The following METTL15 variants were observed in gnomAD, a reference collection of about 807,000 sequenced individuals.
The protein encoded by METTL15 is 12S rRNA N(4)-cytidine methyltransferase METTL15.
A neutral mutation model predicts 38.3 loss-of-function variants in METTL15; 34 were observed. The ratio of observed to expected loss-of-function variants is 0.89; its 90% CI spans 0.68 to 1.18. The LOEUF is 1.18. Ranked by LOEUF, METTL15 falls within the 50% of genes most tolerant of loss-of-function variation. METTL15 has a pLI of 0.00. For missense variants in METTL15, 438 were observed against 498.4 expected (o/e 0.88, Z 1.15); for synonymous variants, 162 against 170.9 (o/e 0.95, Z 0.41).
chr11:28,186,262 G>C (rs1400153464), intron 3 of METTL15, among the ~76,000 whole-genome samples: 2 of 151,138 alleles, frequency 1.3e-5, no homozygotes. Context: ...AGTTTGAAAA[G>C]CTGATTGGAA....
intron 6 of METTL15, among the ~76,000 whole-genome samples, chr11:28,441,640 A>G (rs148182203): frequency 7.6e-4 from 116 of 152,322 alleles, no homozygotes; most frequent in African/African-American, 2.6e-3. Flanking sequence ...CTGAACGACA[A>G]CAATAGATTT....
At chr11:28,155,033 C>T (rs1850216393) in intron 3 of METTL15, among the ~76,000 whole-genome samples, 1 of 151,992 alleles carries the variant, frequency 6.6e-6, no homozygotes, top group African/African-American at 2.4e-5. Flanking sequence ...TTGGCAGGAT[C>T]AGGATTGAGA....
At position 28,384,213 on chromosome 11, in the gene METTL15, A is replaced by G. The variant is rs78049516; in HGVS notation, c.*358+22177A>G. 6.0e-3 allele frequency among the ~76,000 whole-genome samples: 907 copies of G among 152,160 alleles called. 9 individuals are homozygous for G. Among genetic ancestry groups the G allele is most frequent in the African/African-American group, 0.019 (809 of 41,530 alleles). ...ATTTTCTTTATTCAATCCACCATTA[A>G]TGGGCATTTTGGTTGATTCAATGTC... On this transcript the variant is annotated intron_variant and NMD_transcript_variant, in intron 5 of 7. Transcript: ENST00000532947.
intron 6 of METTL15, among the ~76,000 whole-genome samples, chr11:28,310,067 C>A (rs2134023354): frequency 1.3e-5 from 2 of 152,230 alleles, no homozygotes; most frequent in South Asian, 4.1e-4. Flanking sequence ...ACTACTGACA[C>A]CTGGTAAAGA....
chr11:28,323,796 A>G (rs1849546803), intron 6 of METTL15, among the ~76,000 whole-genome samples: 2 of 152,176 alleles, frequency 1.3e-5, no homozygotes, highest in Admixed American at 6.6e-5. Flanking sequence ...CAGAAAGGAT[A>G]TAAAACTGTC....
intron 6 of METTL15, among the ~76,000 whole-genome samples, chr11:28,304,745 A>G (rs1857023475): frequency 6.6e-6 from 1 of 152,150 alleles, no homozygotes; most frequent in South Asian, 2.1e-4. Context: ...AATAAAATTT[A>G]TTAAGAAATA....
intron 5 of METTL15, among the ~76,000 whole-genome samples, chr11:28,368,726 C>T (rs944403771): frequency 2.6e-5 from 4 of 152,042 alleles, no homozygotes; most frequent in Non-Finnish European, 5.9e-5. Context: ...TGGCACTATT[C>T]ACAATAGCAA....
chr11:28,377,233 T>C (rs1275841988), intron 5 of METTL15, among the ~76,000 whole-genome samples: 5 of 150,164 alleles, frequency 3.3e-5, no homozygotes, highest in Non-Finnish European at 7.4e-5. Context: ...GAAGTTCTCC[T>C]GGATAATATC....
At chr11:28,328,682 A>G (rs1332267032) in intron 6 of METTL15, among the ~76,000 whole-genome samples, 4 of 152,106 alleles carry the variant, frequency 2.6e-5, no homozygotes, top group Non-Finnish European at 5.9e-5. Flanking sequence ...TTTGTATGCC[A>G]GTGGTTATAA....
rs1849788469 is a variant in METTL15, at chr11:28,330,655, T to C, written c.1038T>C (p.Val346=). 2 of 1,551,310 alleles carry C rather than the reference T, an allele frequency of 1.3e-6. No homozygotes were observed. The highest frequency in any genetic ancestry group is 2.7e-5 in the African/African-American group (2 of 73,026). The change falls in exon 7 of 7, where the codon GTT becomes GTC. Residue 346 remains valine (V), a synonymous_variant. Coordinates refer to ENST00000407364, the MANE Select transcript of METTL15 (RefSeq NM_001113528.2). ...ISMTERFNLS[V]RQQVMKTSQL... ...TGACAGAAAGATTTAACCTAAGTGT[T>C]AGACAACAAGTGATGAAAACATCTC...
intron 4 of METTL15, among the ~76,000 whole-genome samples, chr11:28,249,100 T>C (rs1854632153): frequency 6.6e-6 from 1 of 151,968 alleles, no homozygotes; most frequent in Non-Finnish European, 1.5e-5. Context: ...TGAGACAATA[T>C]GAGGTACTAG....
intron 6 of METTL15, among the ~76,000 whole-genome samples, chr11:28,508,767 C>A (rs1025748991): frequency 2.6e-5 from 4 of 152,108 alleles, no homozygotes; most frequent in Admixed American, 2.6e-4. Flanking sequence ...AATGGGCTAC[C>A]AATACCTCTT....
chr11:28,133,499 G>A (rs903424050), intron 3 of METTL15, among the ~76,000 whole-genome samples: 3 of 152,192 alleles, frequency 2.0e-5, no homozygotes, highest in Admixed American at 6.6e-5. Flanking sequence ...ATGCTCAAAT[G>A]TAGTTCCCTG....
chr11:28,250,397 C>T (rs1376480221), intron 4 of METTL15, among the ~76,000 whole-genome samples: 1 of 151,886 alleles, frequency 6.6e-6, no homozygotes, highest in Non-Finnish European at 1.5e-5. Flanking sequence ...TATTTTTGGA[C>T]TTTTAAAAAA....
intron 4 of METTL15, among the ~76,000 whole-genome samples, chr11:28,214,230 C>T (rs1364178170): frequency 6.6e-6 from 1 of 151,914 alleles, no homozygotes; most frequent in Non-Finnish European, 1.5e-5. Flanking sequence ...GATGAGGTCT[C>T]TCTATGTTGC....
At chr11:28,230,840 A>C (rs1376313823) in intron 4 of METTL15, among the ~76,000 whole-genome samples, 2 of 151,840 alleles carry the variant, frequency 1.3e-5, no homozygotes, top group Non-Finnish European at 2.9e-5. Flanking sequence ...AATTTAATGC[A>C]CAATTCAATG....
intron 3 of METTL15, among the ~76,000 whole-genome samples, chr11:28,127,951 A>G (rs1852565584): frequency 6.6e-6 from 1 of 152,156 alleles, no homozygotes; most frequent in East Asian, 1.9e-4. Context: ...GCCTTGGACT[A>G]ATATTCAACC....
At chr11:28,270,520 C>G (rs1328812767) in intron 4 of METTL15, among the ~76,000 whole-genome samples, 1 of 152,114 alleles carries the variant, frequency 6.6e-6, no homozygotes, top group Non-Finnish European at 1.5e-5. Flanking sequence ...ATGCGGTGAT[C>G]AAGAATAGAG....
chr11:28,345,265 T>G (rs1849986635), intron 3 of METTL15, among the ~76,000 whole-genome samples: 1 of 152,218 alleles, frequency 6.6e-6, no homozygotes, highest in Admixed American at 6.5e-5. Context: ...CTCGGCCTAC[T>G]GCAACCTCCA....
Sources: allele counts gnomAD v4.1 joint callset (sites outside exome capture counted in the v4.1 genomes callset), GRCh38; gene constraint gnomAD v4.1.1; transcripts MANE v1.5; gene names NCBI Gene and HGNC (gene_info 2026-07-23, HGNC 2026-07-21).